Variants in MYO9B observed in about 807,000 individuals in gnomAD.
The protein encoded by MYO9B is unconventional myosin-IXb.
In MYO9B, 71 loss-of-function variants were observed where a neutral mutation model predicts 229.5. The observed-to-expected ratio is 0.31, with a 90% CI of 0.26 to 0.38. MYO9B has a LOEUF of 0.38. Among genes scored for constraint, MYO9B ranks in the 10% least tolerant of loss-of-function variants. The pLI is 1.00. For missense variants in MYO9B, 2,255 were observed against 2,920.5 expected (o/e 0.77, Z 5.25); for synonymous variants, 1,185 against 1,235.8 (o/e 0.96, Z 0.86).
At chr19:17,092,973 TGTACATGCAA>T (rs774719230) in intron 1 of MYO9B, among the ~76,000 whole-genome samples, 2 of 152,180 alleles carry the variant, frequency 1.3e-5, no homozygotes, top group Non-Finnish European at 2.9e-5. Flanking sequence ...GTTTCCTCTG[TGTACATGCAA>T]GCACATGGAA....
chr19:17,175,621 A>T, intron 13 of MYO9B, 42 bp from the exon 14 acceptor site: 1 of 1,436,508 alleles, frequency 7.0e-7, no homozygotes, highest in Non-Finnish European at 9.4e-7. Flanking sequence ...CAGCCTCCAT[A>T]GGAGGCCATC....
rs1459148279 is a variant in MYO9B, at chr19:17,207,139, G to T, written c.5519G>T (p.Arg1840Leu). 1.2e-6 allele frequency: 2 copies of T among 1,609,736 alleles called. No homozygotes were observed. Among genetic ancestry groups the T allele is most frequent in the African/African-American group, 1.3e-5 (1 of 74,832 alleles). ...VKVALLEDVN[R>L]MSPGALAIIF... ...GTGGCCCTGCTCGAGGATGTCAACC[G>T]CATGTCACCTGGGGCGCTGGCCATT... The change falls in exon 35 of 40, where the codon CGC (arginine) becomes CTC (leucine). Residue 1840 changes from arginine (R) to leucine (L), a missense_variant. Transcript: ENST00000682292.
chr19:17,101,677 C>T lies in MYO9B; in HGVS notation c.-41C>T. 1 of 1,516,632 alleles carries T rather than the reference C, an allele frequency of 6.6e-7. No individual in the cohort carries two copies. 93.9% of individuals were successfully genotyped at this position (1,516,632 alleles called of 1,614,324 possible). A position where few individuals can be genotyped will look rare whatever the true frequency, so the allele number is the denominator to read the frequency against. ...CCTTCTAGCTCCAGGACACGCGCGC[C>T]CCGAGCCTGGGAGGCATGCTGAAGC... On this transcript the variant is annotated 5_prime_UTR_variant, in exon 2 of 40. Transcript: ENST00000682292. This position sits in a 1 kb window ranked among gnomAD's most constrained non-coding sequence, Gnocchi z 4.7.
chr19:17,198,250 G>A lies in MYO9B; in HGVS notation c.4180G>A (p.Gly1394Ser). The A allele has an allele frequency of 6.2e-7, 1 of 1,613,912 alleles. No homozygotes were observed. Among genetic ancestry groups the A allele is most frequent in the Non-Finnish European group, 8.5e-7 (1 of 1,179,886 alleles). Residue 1394 changes from glycine (G) to serine (S), a missense_variant, in exon 24 of 40, where the codon GGC becomes AGC. Physicochemically the swap from Gly to Ser is moderately conservative, Grantham distance 56. This residue lies in a region of MYO9B where 679 missense variants were observed against 770.2 expected (regional missense o/e 0.88). Coordinates refer to ENST00000682292, the MANE Select transcript of MYO9B (RefSeq NM_004145.4). ...KKPAVQKKKP[G>S]DASSLPDAGL... ...GCCAGCTGTCCAGAAGAAGAAGCCAGGCGACGCATCCTCCCTCCCAGACGC... is the reference window on the plus strand; with the variant it reads ...GCCAGCTGTCCAGAAGAAGAAGCCAAGCGACGCATCCTCCCTCCCAGACGC...
Position 17,213,063 on chromosome 19 carries a change from C to G in MYO9B, c.*753C>G, listed in dbSNP as rs963086496. The G allele has an allele frequency of 6.6e-6, 1 of 152,290 alleles. No individual in the cohort carries two copies. Among genetic ancestry groups the G allele is most frequent in the Non-Finnish European group, 1.5e-5 (1 of 68,084 alleles). 9.4% of individuals were successfully genotyped at this position (152,290 alleles called of 1,614,324 possible). On this transcript the variant is annotated 3_prime_UTR_variant, in exon 40 of 40. Transcript: ENST00000682292. ...AGGAGGCTGCTTTTGGCACTACCCA[C>G]CCCGTGTGACAGAATAGGAGCCAGC...
At chr19:17,096,939 C>G (rs1044803316) in intron 1 of MYO9B, among the ~76,000 whole-genome samples, 14 of 151,224 alleles carry the variant, frequency 9.3e-5, no homozygotes, top group African/African-American at 3.4e-4. Context: ...ATCCGCCCGC[C>G]TCTGCTTCCC....
chr19:17,165,092 ACTC>A (rs1166160391), intron 10 of MYO9B, among the ~76,000 whole-genome samples: 11 of 151,930 alleles, frequency 7.2e-5, no homozygotes, highest in Admixed American at 6.6e-4. Context: ...CTGGTCCTGA[ACTC>A]CTGGCCTCAA....
At chr19:17,207,020 A>C in intron 34 of MYO9B, 93 bp from the exon 35 acceptor site, 1 of 1,507,132 alleles carries the variant, frequency 6.6e-7, no homozygotes, top group Non-Finnish European at 9.0e-7. Context: ...CTTTCCCAAC[A>C]GCCACCCCAG....
At position 17,203,130 on chromosome 19, in the gene MYO9B, T is replaced by C; in HGVS notation, c.4879-17T>C. On this transcript the variant is annotated splice_polypyrimidine_tract_variant and intron_variant, in intron 29 of 39. Coordinates refer to ENST00000682292, the MANE Select transcript of MYO9B (RefSeq NM_004145.4). ...CCTTCCCCTTTCCCTGCCCAGCGCCTTCCTCTGGCCTCACAGGTCCAGGAG... is the reference window on the plus strand; with the variant it reads ...CCTTCCCCTTTCCCTGCCCAGCGCCCTCCTCTGGCCTCACAGGTCCAGGAG... 3 of 1,553,962 alleles carry C rather than the reference T, an allele frequency of 1.9e-6. No homozygotes were observed. Among genetic ancestry groups the C allele is most frequent in the Non-Finnish European group, 2.6e-6 (3 of 1,147,682 alleles).
At chr19:17,099,598 G>A (rs1033512738) in intron 1 of MYO9B, among the ~76,000 whole-genome samples, 2 of 151,740 alleles carry the variant, frequency 1.3e-5, no homozygotes, top group African/African-American at 4.8e-5. Context: ...GGTGGATCAC[G>A]AGGTCAGGAG....
At chr19:17,191,005 C>T in intron 19 of MYO9B, 92 bp from the exon 20 acceptor site, 1 of 1,344,264 alleles carries the variant, frequency 7.4e-7, no homozygotes, top group South Asian at 1.4e-5. Context: ...TCAAACCCAG[C>T]TTCACCTTAA....
At chr19:17,086,788 G>A (rs1031151214) in intron 1 of MYO9B, among the ~76,000 whole-genome samples, 3 of 151,984 alleles carry the variant, frequency 2.0e-5, no homozygotes, top group Non-Finnish European at 4.4e-5. Flanking sequence ...GCTGAGGCAC[G>A]AGAATCACTT....
chr19:17,108,456 C>T (rs1175934496), intron 2 of MYO9B, among the ~76,000 whole-genome samples: 2 of 152,128 alleles, frequency 1.3e-5, no homozygotes, highest in Non-Finnish European at 2.9e-5. Context: ...GAGCAGCATC[C>T]CTGGCCTCCA....
chr19:17,120,709 G>A (rs984733113), intron 2 of MYO9B, among the ~76,000 whole-genome samples: 1 of 150,908 alleles, frequency 6.6e-6, no homozygotes. Flanking sequence ...ATGCTAATTG[G>A]TAACAGTCCT....
intron 2 of MYO9B, among the ~76,000 whole-genome samples, chr19:17,107,960 G>A (rs939877720): frequency 6.6e-6 from 1 of 152,226 alleles, no homozygotes; most frequent in Non-Finnish European, 1.5e-5. Context: ...CACCTGGTCT[G>A]CTTCAAGTCC....
At chr19:17,201,882 C>T in intron 26 of MYO9B, 44 bp from the exon 27 acceptor site, 1 of 1,485,952 alleles carries the variant, frequency 6.7e-7, no homozygotes, top group Non-Finnish European at 9.3e-7. Context: ...GTACGCAGGT[C>T]CCCAGGCCTG....
chr19:17,170,823 C>CT (rs1482540051), intron 11 of MYO9B, among the ~76,000 whole-genome samples: 1 of 65,634 alleles, frequency 1.5e-5, no homozygotes, highest in African/African-American at 7.5e-5. Context: ...GACCCCAGCT[C>CT]TAAAAATTAA....
At chr19:17,090,780 T>G (rs2057630411) in intron 1 of MYO9B, among the ~76,000 whole-genome samples, 1 of 152,104 alleles carries the variant, frequency 6.6e-6, no homozygotes, top group Non-Finnish European at 1.5e-5. Flanking sequence ...AAACACGTTT[T>G]CAGGACCCGT....
At chr19:17,205,402 T>A in intron 31 of MYO9B, 66 bp downstream of exon 31, 1 of 1,495,640 alleles carries the variant, frequency 6.7e-7, no homozygotes, top group Non-Finnish European at 9.3e-7. Flanking sequence ...CACCAGGAGG[T>A]GGTGCTTGAT....
Sources: gnomAD v4.1 joint callset for allele counts (sites outside exome capture counted in the v4.1 genomes callset) on GRCh38, gnomAD v4.1.1 for gene constraint, gnomAD v4.1.1 regional missense constraint, Gnocchi (gnomAD v3.1) non-coding constraint, MANE v1.5 for transcripts, NCBI Gene and HGNC (gene_info 2026-07-23, HGNC 2026-07-21) for gene names.